The following GOLGA3 variants were observed in gnomAD, a reference collection of about 807,000 sequenced individuals.
GOLGA3 encodes golgin A3.
GOLGA3 carries 75 observed loss-of-function variants against 169.4 expected under a neutral mutation model. The observed-to-expected ratio is 0.44, with a 90% CI of 0.37 to 0.54. GOLGA3 has a LOEUF of 0.54. GOLGA3 is among the 20% of genes least tolerant of loss of function. GOLGA3 has a pLI of 0.00. For missense variants in GOLGA3, 1,899 were observed against 1,930.0 expected, an observed-to-expected ratio of 0.98 and a Z score of 0.30; for synonymous variants, 824 against 822.4, an observed-to-expected ratio of 1.00 and a Z score of -0.03.
chr12:132,775,094 T>C (rs777241509), intron 22 of GOLGA3, 47 bp downstream of exon 22: 1 of 1,561,366 alleles, frequency 6.4e-7, no homozygotes, highest in Non-Finnish European at 8.7e-7. Flanking sequence ...TCCGAGAGCA[T>C]CTACAGCGCA....
intron 23 of GOLGA3, 27 bp downstream of exon 23, chr12:132,774,130 G>A: frequency 1.3e-6 from 2 of 1,542,378 alleles, no homozygotes; most frequent in East Asian, 2.3e-5. Context: ...AAGACTAGCT[G>A]AAGTGCAGCA....
At position 132,821,988 on chromosome 12, in the gene GOLGA3, C is replaced by T. The variant is rs370555335; in HGVS notation, c.133+8G>A. 70 of 1,592,484 alleles carry T rather than the reference C, an allele frequency of 4.4e-5. No homozygotes were observed. In the African/African-American group the frequency reaches 8.4e-4, roughly 19 times the overall value. ...GTGACCAGCACACAGAGGAACCTCA[C>T]GACTTACACTGGACTTTGTCCTGCT... On this transcript the variant is annotated splice_region_variant and intron_variant, in intron 2 of 23. Coordinates refer to ENST00000450791, the MANE Select transcript of GOLGA3 (RefSeq NM_001389683.1).
At position 132,816,689 on chromosome 12, in the gene GOLGA3, G is replaced by C; in HGVS notation, c.257C>G (p.Thr86Arg). 6.2e-7 allele frequency: 1 copy of C among 1,614,200 alleles called. No individual in the cohort carries two copies. Among genetic ancestry groups the C allele is most frequent in the South Asian group, 1.1e-5 (1 of 91,090 alleles). Residue 86 changes from threonine (T) to arginine (R), a missense_variant, in exon 3 of 24, where the codon ACA becomes AGA. Transcript: ENST00000450791. ...PDPPSSLDPT[T>R]SPVGPDASPG... ...AGAGGCATCAGGGCCCACTGGGCTT[G>C]TGGTGGGATCGAGAGACGACGGAGG... is the stretch of plus-strand genomic sequence containing the variant.
rs949437157 is a variant in GOLGA3 at position 132,801,544 on chromosome 12, C to A, written c.1800+223G>T. Among the ~76,000 whole-genome samples the A allele has an allele frequency of 2.6e-5, 4 of 152,090 alleles. No homozygotes were observed. The South Asian group carries it at 6.2e-4, about 24-fold the overall frequency. On this transcript the variant is annotated intron_variant, in intron 8 of 23. Coordinates refer to ENST00000450791, the MANE Select transcript of GOLGA3 (RefSeq NM_001389683.1). ...GAGGCTTTGGAACTGAAAATGCTGG[C>A]AGAGGCTGCCGTGGGACTCCCATGT...
At chr12:132,782,100 G>A (rs2045638059) in intron 17 of GOLGA3, among the ~76,000 whole-genome samples, 196 bp downstream of exon 17, 2 of 151,998 alleles carry the variant, frequency 1.3e-5, no homozygotes, top group African/African-American at 4.8e-5. Context: ...CCTCCCCTCG[G>A]AGAGCCCAGC....
intron 12 of GOLGA3, among the ~76,000 whole-genome samples, chr12:132,790,617 A>C (rs2046174913): frequency 6.6e-6 from 1 of 152,146 alleles, no homozygotes; most frequent in South Asian, 2.1e-4. Flanking sequence ...TGCACAACAC[A>C]CAGCTCCCTG....
chr12:132,826,372 AGAG>A (rs758364089), intron 1 of GOLGA3, among the ~76,000 whole-genome samples: 23 of 149,886 alleles, frequency 1.5e-4, no homozygotes, highest in African/African-American at 2.4e-4. Flanking sequence ...TGGAACATGC[AGAG>A]GAGAACTGCT....
chr12:132,820,037 C>T (rs923871006), intron 2 of GOLGA3, among the ~76,000 whole-genome samples: 2 of 152,228 alleles, frequency 1.3e-5, no homozygotes, highest in East Asian at 1.9e-4. Context: ...ATTAGCTGGG[C>T]GTGGTGGCAC....
At chr12:132,788,741 G>A (rs1340119989) in intron 13 of GOLGA3, among the ~76,000 whole-genome samples, 1 of 152,150 alleles carries the variant, frequency 6.6e-6, no homozygotes, top group African/African-American at 2.4e-5. Flanking sequence ...GGGAGAAGCT[G>A]GGTGCCTCAC....
intron 1 of GOLGA3, chr12:132,825,830 T>A: frequency 9.3e-7 from 1 of 1,076,918 alleles, no homozygotes; most frequent in Non-Finnish European, 1.4e-6. Flanking sequence ...TGGTCTGGGC[T>A]TCAAGACACC....
In GOLGA3 at chr12:132,771,740, A is replaced by AT. The variant is rs2044904812; in HGVS notation, c.*1364dup. On this transcript the variant is annotated 3_prime_UTR_variant, in exon 24 of 24. Transcript: ENST00000450791. Reference sequence around the variant, plus strand: ...GGCGCTCCCACAGACAATGGTAAAGATTTTCACTTGGGGAACAGGAGTGTG... The same window carrying AT: ...GGCGCTCCCACAGACAATGGTAAAGATTTTTCACTTGGGGAACAGGAGTGTG... The AT allele has an allele frequency of 6.6e-6, 1 of 152,136 alleles. No individual in the cohort carries two copies. The highest frequency in any genetic ancestry group is 1.5e-5 in the Non-Finnish European group (1 of 68,054). 9.4% of individuals were successfully genotyped at this position (152,136 alleles called of 1,614,324 possible).
At chr12:132,797,936 G>A (rs1018937866) in intron 9 of GOLGA3, among the ~76,000 whole-genome samples, 1 of 152,222 alleles carries the variant, frequency 6.6e-6, no homozygotes, top group East Asian at 1.9e-4. Context: ...TCGACAGGCT[G>A]TCAGGCAAAA....
At chr12:132,811,789 TA>T in intron 4 of GOLGA3, 1 of 883,824 alleles carries the variant, frequency 1.1e-6, no homozygotes, top group Non-Finnish European at 1.4e-6. Context: ...AACATAACCT[TA>T]AAGGTATAAG....
intron 11 of GOLGA3, among the ~76,000 whole-genome samples, chr12:132,792,693 G>C (rs1948603256): frequency 6.8e-6 from 1 of 146,732 alleles, no homozygotes; most frequent in African/African-American, 2.5e-5. Context: ...CACCACACGG[G>C]ATCTGCACTC....
intron 12 of GOLGA3, among the ~76,000 whole-genome samples, chr12:132,790,107 G>A (rs1033404642): frequency 2.0e-5 from 3 of 152,086 alleles, no homozygotes; most frequent in African/African-American, 7.2e-5. Context: ...CAAGGTGGGC[G>A]GATCACGAGG....
At chr12:132,783,114 T>C (rs2045698020) in intron 16 of GOLGA3, among the ~76,000 whole-genome samples, 1 of 152,078 alleles carries the variant, frequency 6.6e-6, no homozygotes, top group Non-Finnish European at 1.5e-5. Flanking sequence ...GAAAATCACT[T>C]GAACCTGGGA....
chr12:132,826,315 G>A, intron 1 of GOLGA3: 1 of 704,512 alleles, frequency 1.4e-6, no homozygotes. Flanking sequence ...CACCTGAACA[G>A]AAGGAAGGAT....
At position 132,774,041 on chromosome 12, in the gene GOLGA3, T is replaced by A. The variant is rs562602592; in HGVS notation, c.4307+116A>T. 63 of 956,152 alleles carry A rather than the reference T, an allele frequency of 6.6e-5. No homozygotes were observed. In the South Asian group the frequency reaches 1.0e-3, roughly 16 times the overall value. 59.2% of individuals were successfully genotyped at this position (956,152 alleles called of 1,614,324 possible). A position where few individuals can be genotyped will look rare whatever the true frequency, so the allele number is the denominator to read the frequency against. On this transcript the variant is annotated intron_variant, in intron 23 of 23. Coordinates refer to ENST00000450791, the MANE Select transcript of GOLGA3 (RefSeq NM_001389683.1). ...TATGTATGCGAGTCCCCCACCCTTATATAAACCTGCTGAAACTCTGCTGGG... is the reference window on the plus strand; with the variant it reads ...TATGTATGCGAGTCCCCCACCCTTAAATAAACCTGCTGAAACTCTGCTGGG...
In GOLGA3 at chr12:132,791,299, G is replaced by A. The variant is rs764841659; in HGVS notation, c.2470-6C>T. The A allele has an allele frequency of 2.5e-6, 4 of 1,570,918 alleles. No homozygotes were observed. The highest frequency in any genetic ancestry group is 3.5e-6 in the Non-Finnish European group (4 of 1,143,702). Reference sequence around the variant, plus strand: ...TCCTGCTGCAGGTGTTCCACCTGTGGGAGACATGTGCACAGACATTACACT... The same window carrying A: ...TCCTGCTGCAGGTGTTCCACCTGTGAGAGACATGTGCACAGACATTACACT... On this transcript the variant is annotated splice_region_variant and splice_polypyrimidine_tract_variant and intron_variant, in intron 11 of 23. Coordinates refer to ENST00000450791, the MANE Select transcript of GOLGA3 (RefSeq NM_001389683.1).
Sources: allele counts gnomAD v4.1 joint callset (sites outside exome capture counted in the v4.1 genomes callset), GRCh38; gene constraint gnomAD v4.1.1; transcripts MANE v1.5; gene names NCBI Gene and HGNC (gene_info 2026-07-23, HGNC 2026-07-21).